The following FHL5 variants were observed in gnomAD, a reference collection of about 807,000 sequenced individuals.
The protein encoded by FHL5 is four and a half LIM domains 5, also known as four and a half LIM domains protein 5.
Under a neutral mutation model 32.0 loss-of-function variants are expected in FHL5, and 33 were observed. The ratio of observed to expected loss-of-function variants is 1.03; its 90% CI spans 0.78 to 1.38. FHL5 has a LOEUF of 1.38. FHL5 is among the 40% of genes most tolerant of loss of function. FHL5 has a pLI of 0.00. For synonymous variants in FHL5, 114 were observed against 113.6 expected (o/e 1.00, Z -0.02); for missense variants, 336 against 343.9 (o/e 0.98, Z 0.18).
chr6:96,603,660 T>C lies in FHL5; in HGVS notation c.47T>C (p.Leu16Pro). Reference protein sequence around the residue: ...FYCQYCTASLLGKKYVLKDDS... With the variant: ...FYCQYCTASLPGKKYVLKDDS... Reference sequence around the variant, plus strand: ...TGTCAATACTGCACAGCATCACTTCTTGGGAAGAAATATGTACTAAAGGAT... The same window carrying C: ...TGTCAATACTGCACAGCATCACTTCCTGGGAAGAAATATGTACTAAAGGAT... The change falls in exon 2 of 6, where the codon CTT becomes CCT. Residue 16 changes from leucine to proline, a missense_variant. Physicochemically the swap from Leu to Pro is moderately conservative, Grantham distance 98 (BLOSUM62 -3). Transcript: ENST00000450218. 1 of 1,613,268 alleles carries C rather than the reference T, an allele frequency of 6.2e-7. No homozygotes were observed. The highest frequency in any genetic ancestry group is 8.5e-7 in the Non-Finnish European group (1 of 1,179,656).
intron 1 of FHL5, among the ~76,000 whole-genome samples, chr6:96,567,096 G>T (rs56709617): frequency 0.016 from 2,503 of 151,782 alleles, 57 homozygotes; most frequent in African/African-American, 0.058. Context: ...CCCTATGTTT[G>T]CTTCTAGTTG....
At chr6:96,568,390 A>G (rs369270310) in intron 1 of FHL5, among the ~76,000 whole-genome samples, 1 of 151,858 alleles carries the variant, frequency 6.6e-6, no homozygotes, top group African/African-American at 2.4e-5. Context: ...TTTTGCATCT[A>G]TGCTCATCAT....
At chr6:96,605,880 T>C in intron 3 of FHL5, 22 bp from the exon 4 acceptor site, 1 of 1,608,342 alleles carries the variant, frequency 6.2e-7, no homozygotes, top group Non-Finnish European at 8.5e-7. Context: ...TATACTAACA[T>C]GGCCTTACTT....
chr6:96,566,721 G>A (rs1012882048), intron 1 of FHL5, among the ~76,000 whole-genome samples: 4 of 151,786 alleles, frequency 2.6e-5, no homozygotes, highest in Non-Finnish European at 5.9e-5. Context: ...TCTTCTTGCG[G>A]TTTTGATTTG....
At position 96,603,646 on chromosome 6, in the gene FHL5, C is replaced by T; in HGVS notation, c.33C>T (p.Cys11=). The change falls in exon 2 of 6, where the codon TGC becomes TGT. Residue 11 remains cysteine, a synonymous_variant. Transcript: ENST00000450218. MTTAHFYCQY[C]TASLLGKKYV... is the part of the protein sequence containing the mutation. Reference sequence around the variant, plus strand: ...CTGCTCACTTTTACTGTCAATACTGCACAGCATCACTTCTTGGGAAGAAAT... The same window carrying T: ...CTGCTCACTTTTACTGTCAATACTGTACAGCATCACTTCTTGGGAAGAAAT... The T allele has an allele frequency of 1.2e-6, 2 of 1,612,922 alleles. No homozygotes were observed. Among genetic ancestry groups the T allele is most frequent in the East Asian group, 4.5e-5 (2 of 44,790 alleles).
In FHL5 at chr6:96,605,479, C is replaced by G. The variant is rs547191346; in HGVS notation, c.335-423C>G. Among the ~76,000 whole-genome samples, 6 of 152,322 alleles carry G rather than the reference C, an allele frequency of 3.9e-5. No homozygotes were observed. The East Asian group carries it at 1.2e-3, about 29-fold the overall frequency. On this transcript the variant is annotated intron_variant, in intron 3 of 5. Transcript: ENST00000450218. ...TCTGCCACTCTTGCTCTCTCATTTT[C>G]TTATTATGGATTCAGAGAATTTCTA... is the stretch of plus-strand genomic sequence containing the variant.
chr6:96,603,651 C>T lies in FHL5; in HGVS notation c.38C>T (p.Ala13Val), dbSNP rs370135459. The T allele has an allele frequency of 2.4e-5, 38 of 1,612,884 alleles. No homozygotes were observed. In the African/African-American group the frequency reaches 3.6e-4, roughly 15 times the overall value. Residue 13 changes from alanine (A) to valine (V), a missense_variant, in exon 2 of 6, where the codon GCA becomes GTA. Ala to Val is a moderately conservative substitution (Grantham distance 64). Coordinates refer to ENST00000450218, the MANE Select transcript of FHL5 (RefSeq NM_001322466.2). ...CACTTTTACTGTCAATACTGCACAGCATCACTTCTTGGGAAGAAATATGTA... is the reference window on the plus strand; with the variant it reads ...CACTTTTACTGTCAATACTGCACAGTATCACTTCTTGGGAAGAAATATGTA... Reference protein sequence around the residue: ...TAHFYCQYCTASLLGKKYVLK... With the variant: ...TAHFYCQYCTVSLLGKKYVLK...
chr6:96,594,247 ATATAT>A (rs1770985521), intron 1 of FHL5, among the ~76,000 whole-genome samples: 1 of 112,018 alleles, frequency 8.9e-6, no homozygotes, highest in Admixed American at 1.0e-4. Flanking sequence ...ATATATATAT[ATATAT>A]ATATATATAT....
intron 1 of FHL5, among the ~76,000 whole-genome samples, chr6:96,589,691 A>G (rs1770875624): frequency 6.6e-6 from 1 of 152,036 alleles, no homozygotes; most frequent in Non-Finnish European, 1.5e-5. Flanking sequence ...AGTCTAGTGT[A>G]TTAAATTTTC....
chr6:96,614,739 T>C (rs1206012445), intron 5 of FHL5, among the ~76,000 whole-genome samples: 34 of 152,234 alleles, frequency 2.2e-4, no homozygotes, highest in Admixed American at 2.2e-3. Context: ...ATTTTCTCCT[T>C]TAATGTAACT....
rs757046309 is a variant in FHL5, at chr6:96,603,773, G to T, written c.159+1G>T. ...AAAACCAATTGAATCTGATTCTAAG[G>T]TAAGTCTCACCTCAATTTACAGAAT... On this transcript the variant is annotated splice_donor_variant, in intron 2 of 5. Transcript: ENST00000450218. LOFTEE classifies it high-confidence loss of function. 1 of 1,605,684 alleles carries T rather than the reference G, an allele frequency of 6.2e-7. No individual in the cohort carries two copies.
chr6:96,570,597 C>T lies in FHL5; in HGVS notation c.-13+7242C>T, dbSNP rs578221612. On this transcript the variant is annotated intron_variant, in intron 1 of 5. Coordinates refer to ENST00000450218, the MANE Select transcript of FHL5 (RefSeq NM_001322466.2). ...CAGGCTTTCTATACTTTTTCCTTAT[C>T]TTCTCCTTCTGGAAATTCCATAATA... Among the ~76,000 whole-genome samples the T allele has an allele frequency of 8.5e-5, 13 of 152,196 alleles. No homozygotes were observed. The East Asian group carries it at 2.3e-3, about 27-fold the overall frequency.
At chr6:96,613,927 A>C (rs905909919) in intron 5 of FHL5, among the ~76,000 whole-genome samples, 14 of 152,218 alleles carry the variant, frequency 9.2e-5, no homozygotes, top group African/African-American at 3.4e-4. Flanking sequence ...TCAAGCACTC[A>C]ACAAATGCCA....
At chr6:96,593,862 C>T (rs1050759913) in intron 1 of FHL5, among the ~76,000 whole-genome samples, 1 of 152,078 alleles carries the variant, frequency 6.6e-6, no homozygotes, top group African/African-American at 2.4e-5. Flanking sequence ...GTACTAGCTT[C>T]TCTAGTGGTT....
chr6:96,568,945 T>C (rs1472798370), intron 1 of FHL5, among the ~76,000 whole-genome samples: 1 of 151,850 alleles, frequency 6.6e-6, no homozygotes, highest in Admixed American at 6.6e-5. Context: ...TTTTTAGTCT[T>C]AATTTTATTT....
At chr6:96,581,719 C>T (rs1166693281) in intron 1 of FHL5, among the ~76,000 whole-genome samples, 1 of 152,086 alleles carries the variant, frequency 6.6e-6, no homozygotes, top group African/African-American at 2.4e-5. Flanking sequence ...AAAACAGCTA[C>T]CAGAATTCAG....
intron 1 of FHL5, among the ~76,000 whole-genome samples, chr6:96,566,043 C>T (rs1309276978): frequency 6.6e-6 from 1 of 151,934 alleles, no homozygotes; most frequent in African/African-American, 2.4e-5. Context: ...TGAAAATATA[C>T]AATAAATTGC....
intron 1 of FHL5, among the ~76,000 whole-genome samples, chr6:96,571,680 C>T (rs1289749040): frequency 6.6e-6 from 1 of 152,090 alleles, no homozygotes; most frequent in African/African-American, 2.4e-5. Context: ...GTGATTCTAC[C>T]CCTGGGGGGC....
At chr6:96,611,237 A>G (rs1407274700) in intron 5 of FHL5, among the ~76,000 whole-genome samples, 2 of 152,220 alleles carry the variant, frequency 1.3e-5, no homozygotes, top group Non-Finnish European at 2.9e-5. Flanking sequence ...TTAAGGTAGC[A>G]TAGGTCAGTA....
Sources: gnomAD v4.1 joint callset for allele counts (sites outside exome capture counted in the v4.1 genomes callset) on GRCh38, gnomAD v4.1.1 for gene constraint, MANE v1.5 for transcripts, NCBI Gene and HGNC (gene_info 2026-07-23, HGNC 2026-07-21) for gene names.